The following SLC9B1 variants were observed in gnomAD, a reference collection of about 807,000 sequenced individuals.
The protein encoded by SLC9B1 is sodium/hydrogen exchanger 9B1.
Under a neutral mutation model 51.7 loss-of-function variants are expected in SLC9B1, and 32 were observed. That is an observed-to-expected ratio of 0.62 (90% CI 0.47 to 0.83). The LOEUF (loss-of-function observed/expected upper bound fraction) is 0.83. Among genes scored for constraint, SLC9B1 ranks in the 40% least tolerant of loss-of-function variants. The pLI, the probability that SLC9B1 is intolerant of heterozygous loss-of-function variation, is 0.00. For missense variants in SLC9B1, 406 were observed against 613.2 expected (o/e 0.66, Z 3.57); for synonymous variants, 145 against 212.7 (o/e 0.68, Z 2.77).
intron 7 of SLC9B1, among the ~76,000 whole-genome samples, chr4:102,921,666 A>G (rs1307647579): frequency 1.3e-5 from 2 of 152,236 alleles, no homozygotes; most frequent in Non-Finnish European, 2.9e-5. Flanking sequence ...CAGGAGACCC[A>G]TCTAACGTGC....
In SLC9B1 at chr4:103,007,887, T is replaced by A. The variant is rs573770099; in HGVS notation, c.-2+11712A>T. On this transcript the variant is annotated intron_variant, in intron 1 of 11. Transcript: ENST00000296422. Reference sequence around the variant, plus strand: ...AGCTTTTATTGGGCATAGTACTATCTGTTTTTCTTCATATTCACAGCTAGG... The same window carrying A: ...AGCTTTTATTGGGCATAGTACTATCAGTTTTTCTTCATATTCACAGCTAGG... Among the ~76,000 whole-genome samples, 3 of 152,180 alleles carry A rather than the reference T, an allele frequency of 2.0e-5. No individual in the cohort carries two copies. The South Asian group carries it at 6.2e-4, about 32-fold the overall frequency.
At chr4:102,908,359 T>C (rs1439242498) in intron 9 of SLC9B1, among the ~76,000 whole-genome samples, 1 of 151,692 alleles carries the variant, frequency 6.6e-6, no homozygotes, top group African/African-American at 2.4e-5. Context: ...TGTGTCTGAA[T>C]ATATATGTAT....
chr4:102,919,761 G>A (rs1735771862), intron 7 of SLC9B1, among the ~76,000 whole-genome samples: 1 of 152,236 alleles, frequency 6.6e-6, no homozygotes, highest in African/African-American at 2.4e-5. Flanking sequence ...TCTCTCCCGT[G>A]CCTGGCTCAG....
At chr4:102,931,816 C>T (rs937936688) in intron 7 of SLC9B1, among the ~76,000 whole-genome samples, 2 of 152,164 alleles carry the variant, frequency 1.3e-5, no homozygotes, top group Admixed American at 6.5e-5. Flanking sequence ...ACAAATAATA[C>T]CGCTGAATTT....
intron 1 of SLC9B1, among the ~76,000 whole-genome samples, chr4:103,010,867 T>C (rs756270835): frequency 1.1e-4 from 17 of 152,216 alleles, no homozygotes; most frequent in Non-Finnish European, 2.4e-4. Context: ...AACATGAAAT[T>C]GGAGGGACAC....
intron 1 of SLC9B1, among the ~76,000 whole-genome samples, chr4:103,001,133 C>G (rs1740503724): frequency 6.6e-6 from 1 of 152,224 alleles, no homozygotes. Flanking sequence ...AAGCAACAAC[C>G]TGAGCTGTAC....
chr4:102,981,243 A>G (rs1055226009), intron 3 of SLC9B1, among the ~76,000 whole-genome samples: 1 of 152,094 alleles, frequency 6.6e-6, no homozygotes, highest in African/African-American at 2.4e-5. Flanking sequence ...TTATTCACTC[A>G]CCTAATGAAA....
rs1209351402 is a variant in SLC9B1, at chr4:103,019,634, G to C, written c.-37C>G. On this transcript the variant is annotated 5_prime_UTR_variant, in exon 1 of 12. Transcript: ENST00000296422. ...TTTCGCAGCCCTCGCTGGCCCGGGA[G>C]CGGCCCAGGAGCCCAGTGACCGTTG... 1 of 985,358 alleles carries C rather than the reference G, an allele frequency of 1.0e-6. No homozygotes were observed. The highest frequency in any genetic ancestry group is 1.2e-6 in the Non-Finnish European group (1 of 829,984). The allele number at this position is 985,358 out of a possible 1,614,324, so 61.0% of individuals were successfully genotyped here.
chr4:102,964,297 T>A (rs1738307244), intron 3 of SLC9B1, among the ~76,000 whole-genome samples: 1 of 151,726 alleles, frequency 6.6e-6, no homozygotes, highest in South Asian at 2.1e-4. Context: ...AGAAATTGCA[T>A]CAGTAATTTC....
chr4:102,899,006 G>A (rs901713797), downstream of SLC9B1, among the ~76,000 whole-genome samples: 10 of 152,074 alleles, frequency 6.6e-5, no homozygotes, highest in Non-Finnish European at 1.2e-4. Context: ...CTCCCAAAGT[G>A]CTGGGATGGT....
At chr4:102,980,821 G>A (rs1739314803) in intron 3 of SLC9B1, among the ~76,000 whole-genome samples, 1 of 152,136 alleles carries the variant, frequency 6.6e-6, no homozygotes, top group Admixed American at 6.6e-5. Context: ...CCATTTGTTA[G>A]AATTGATAAA....
At chr4:102,961,903 G>A in intron 3 of SLC9B1, 1 of 221,212 alleles carries the variant, frequency 4.5e-6, no homozygotes, top group South Asian at 7.0e-5. Flanking sequence ...CAAGTGGATG[G>A]TGGCAGGGTG....
At chr4:102,909,875 G>A (rs1735254732) in intron 9 of SLC9B1, among the ~76,000 whole-genome samples, 3 of 152,014 alleles carry the variant, frequency 2.0e-5, no homozygotes, top group Non-Finnish European at 4.4e-5. Context: ...CCAGGCTGGA[G>A]TGCAATGGCA....
chr4:102,901,480 G>A, intron 11 of SLC9B1, 148 bp from the exon 12 acceptor site: 1 of 985,778 alleles, frequency 1.0e-6, no homozygotes, highest in Non-Finnish European at 1.5e-6. Flanking sequence ...TTACTCATCA[G>A]TTCCATGTTC....
intron 3 of SLC9B1, among the ~76,000 whole-genome samples, chr4:102,964,769 A>C (rs889843301): frequency 1.3e-5 from 2 of 152,186 alleles, no homozygotes. Context: ...AAATCTCATC[A>C]GCTTATGAAT....
chr4:102,986,631 C>A (rs1229485769), intron 3 of SLC9B1, among the ~76,000 whole-genome samples: 2 of 152,018 alleles, frequency 1.3e-5, no homozygotes, highest in African/African-American at 4.8e-5. Flanking sequence ...TTGTAGTGAC[C>A]CCACAATTCT....
At chr4:102,890,285 G>C (rs555830953) in intron 11 of SLC9B1, 2 of 152,290 alleles carry the variant, frequency 1.3e-5, no homozygotes, top group East Asian at 3.9e-4. Flanking sequence ...GCCAGCTGCT[G>C]ATCTATATAG....
At chr4:102,978,276 C>T (rs968407252) in intron 3 of SLC9B1, among the ~76,000 whole-genome samples, 1 of 152,128 alleles carries the variant, frequency 6.6e-6, no homozygotes, top group Non-Finnish European at 1.5e-5. Context: ...CATACGTGTG[C>T]ATGTGTCTTT....
chr4:102,894,807 T>C (rs570696990), intron 11 of SLC9B1, among the ~76,000 whole-genome samples: 2 of 152,028 alleles, frequency 1.3e-5, no homozygotes, highest in Admixed American at 6.5e-5. Flanking sequence ...AACAAAAAGC[T>C]AGTTGGGCTT....
Sources: gnomAD v4.1 joint callset for allele counts (sites outside exome capture counted in the v4.1 genomes callset) on GRCh38, gnomAD v4.1.1 for gene constraint, MANE v1.5 for transcripts, NCBI Gene and HGNC (gene_info 2026-07-23, HGNC 2026-07-21) for gene names.